RPP38: variants seen among roughly 807,000 people sequenced by gnomAD.
RPP38 encodes the protein ribonuclease P protein subunit p38.
A neutral mutation model predicts 1.7 loss-of-function variants in RPP38; 2 were observed. The observed-to-expected ratio is 1.18, with a 90% CI of 0.48 to 3.70. The LOEUF (loss-of-function observed/expected upper bound fraction) is 3.70. RPP38 is among the 30% of genes most tolerant of loss of function. RPP38 has a pLI of 0.07. For missense variants in RPP38, 358 were observed against 340.1 expected (o/e 1.05, Z -0.41); for synonymous variants, 151 against 131.8 (o/e 1.15, Z -1.00).
At position 15,103,530 on chromosome 10, in the gene RPP38, G is replaced by GA. The variant is rs1265940357; in HGVS notation, c.222dup (p.Glu75ArgfsTer11). Reference sequence around the variant, plus strand: ...AGAAAAAGAACAAAACACCTTTTCTGAAAAAAGAAAGCAGAGAGAAATGCA... The same window carrying GA: ...AGAAAAAGAACAAAACACCTTTTCTGAAAAAAAGAAAGCAGAGAGAAATGCA... On this transcript the variant is annotated frameshift_variant, in exon 3 of 3. Transcript: ENST00000378197. LOFTEE classifies it low-confidence loss of function (END_TRUNC). 5 of 1,614,012 alleles carry GA rather than the reference G, an allele frequency of 3.1e-6. No homozygotes were observed. The South Asian group carries it at 5.5e-5, about 18-fold the overall frequency.
intron 1 of RPP38, among the ~76,000 whole-genome samples, chr10:15,098,615 C>T (rs1213516699): frequency 6.6e-6 from 1 of 151,024 alleles, no homozygotes; most frequent in East Asian, 2.0e-4. Flanking sequence ...CGGCCCGGCG[C>T]GGTGGCTCAC....
intron 1 of RPP38, among the ~76,000 whole-genome samples, chr10:15,100,689 T>TC (rs2131422907): frequency 1.3e-5 from 2 of 151,996 alleles, no homozygotes; most frequent in South Asian, 4.2e-4. Context: ...GGGCAACTTT[T>TC]TTTTTTTTTT....
Position 15,104,121 on chromosome 10 carries a change from TA to T in RPP38, c.809del (p.Lys270ArgfsTer2). The T allele has an allele frequency of 6.3e-7, 1 of 1,583,262 alleles. No homozygotes were observed. Among genetic ancestry groups the T allele is most frequent in the Non-Finnish European group, 8.5e-7 (1 of 1,171,508 alleles). On this transcript the variant is annotated frameshift_variant, in exon 3 of 3. Transcript: ENST00000378197. LOFTEE classifies it high-confidence loss of function. ...KIKKLIPNPN[K>X]IRKPPKSKKA... is the part of the protein sequence containing the mutation. ...TAAAGAAACTGATTCCAAACCCTAA[TA>T]AGATAAGGAAACCACCCAAAAGTAA...
intron 1 of RPP38, among the ~76,000 whole-genome samples, 153 bp downstream of exon 1, chr10:15,097,919 CCTT>C (rs1844989760): frequency 6.6e-6 from 1 of 152,130 alleles, no homozygotes; most frequent in African/African-American, 2.4e-5. Flanking sequence ...GGAGATTCTA[CCTT>C]CTTTTCCGAC....
Position 15,104,114 on chromosome 10 carries a change from AC to A in RPP38, c.803del (p.Pro268LeufsTer4). ...QPLKIKKLIP[N>X]PNKIRKPPKS... ...CTTAAAATAAAGAAACTGATTCCAA[AC>A]CCTAATAAGATAAGGAAACCACCCA... is the stretch of plus-strand genomic sequence containing the variant. On this transcript the variant is annotated frameshift_variant, in exon 3 of 3. Transcript: ENST00000378197. LOFTEE classifies it high-confidence loss of function. The A allele has an allele frequency of 6.3e-7, 1 of 1,589,302 alleles. No individual in the cohort carries two copies. Among genetic ancestry groups the A allele is most frequent in the South Asian group, 1.2e-5 (1 of 85,402 alleles).
At chr10:15,101,789 C>T (rs761852836) in intron 1 of RPP38, among the ~76,000 whole-genome samples, 2 of 152,130 alleles carry the variant, frequency 1.3e-5, no homozygotes, top group Non-Finnish European at 2.9e-5. Context: ...ACTCCGGAGG[C>T]TGTGGCAGGA....
rs938948809 is a variant in RPP38 at position 15,103,541 on chromosome 10, G to T, written c.227G>T (p.Ser76Ile). ...KNKTPFLKKESREKCSIAVDI... is the reference protein window; with the variant it reads ...KNKTPFLKKEIREKCSIAVDI... ...AAAACACCTTTTCTGAAAAAAGAAA[G>T]CAGAGAGAAATGCAGCATTGCTGTT... The change falls in exon 3 of 3, where the codon AGC becomes ATC. Residue 76 changes from serine to isoleucine, a missense_variant. By Grantham distance (142) the Ser-to-Ile change is moderately radical. Transcript: ENST00000378197. 14 of 1,613,940 alleles carry T rather than the reference G, an allele frequency of 8.7e-6. No homozygotes were observed. The highest frequency in any genetic ancestry group is 1.1e-5 in the Non-Finnish European group (13 of 1,179,980).
rs1845188853 is a variant in RPP38, at chr10:15,103,537, G to C, written c.223G>C (p.Glu75Gln). The change falls in exon 3 of 3, where the codon GAA (glutamate) becomes CAA (glutamine). Residue 75 changes from glutamate (E) to glutamine (Q), a missense_variant. Physicochemically the swap from Glu to Gln is conservative, Grantham distance 29. Coordinates refer to ENST00000378197, the MANE Select transcript of RPP38 (RefSeq NM_183005.5). ...GAACAAAACACCTTTTCTGAAAAAA[G>C]AAAGCAGAGAGAAATGCAGCATTGC... ...KKNKTPFLKK[E>Q]SREKCSIAVD... 3 of 1,613,954 alleles carry C rather than the reference G, an allele frequency of 1.9e-6. No homozygotes were observed. In the African/African-American group the frequency reaches 4.0e-5, roughly 22 times the overall value.
chr10:15,103,643 G>C lies in RPP38; in HGVS notation c.329G>C (p.Arg110Thr). 1 of 1,614,106 alleles carries C rather than the reference G, an allele frequency of 6.2e-7. No homozygotes were observed. The highest frequency in any genetic ancestry group is 8.5e-7 in the Non-Finnish European group (1 of 1,180,030). The part of the protein sequence containing the change: ...QVSGWTPAHV[R>T]KQLAIGVNEV... ...TCAGGGTGGACGCCTGCACACGTCAGGAAGCAGCTTGCCATTGGCGTTAAC... is the reference window on the plus strand; with the variant it reads ...TCAGGGTGGACGCCTGCACACGTCACGAAGCAGCTTGCCATTGGCGTTAAC... Residue 110 changes from arginine to threonine, a missense_variant, in exon 3 of 3, where the codon AGG (arginine) becomes ACG (threonine). Coordinates refer to ENST00000378197, the MANE Select transcript of RPP38 (RefSeq NM_183005.5).
In RPP38 at chr10:15,103,297, C is replaced by A. The variant is rs747897755; in HGVS notation, c.-10-8C>A. 6.4e-6 allele frequency: 10 copies of A among 1,553,882 alleles called. No individual in the cohort carries two copies. Among genetic ancestry groups the A allele is most frequent in the Non-Finnish European group, 8.7e-6 (10 of 1,154,174 alleles). On this transcript the variant is annotated splice_polypyrimidine_tract_variant and splice_region_variant and intron_variant, in intron 2 of 2. Coordinates refer to ENST00000378197, the MANE Select transcript of RPP38 (RefSeq NM_183005.5). ...AATTTTTTCTGTTGTCATTTTGCTT[C>A]TTGGAAGGATTTTCAAAATGGCTGC...
chr10:15,100,241 A>G (rs970742827), intron 1 of RPP38, among the ~76,000 whole-genome samples: 4 of 152,174 alleles, frequency 2.6e-5, no homozygotes, highest in African/African-American at 9.7e-5. Flanking sequence ...ATGTGGAGAC[A>G]TCATCTGACT....
In RPP38 at chr10:15,097,455, GA is replaced by G; in HGVS notation, c.-440del. Reference sequence around the variant, plus strand: ...TAGGGCAGGAGGCCAGCCCCGGGGGGATCGGGCCCGGGACTCTGCGGAATCT... The same window carrying G: ...TAGGGCAGGAGGCCAGCCCCGGGGGGTCGGGCCCGGGACTCTGCGGAATCT... On this transcript the variant is annotated 5_prime_UTR_variant, in exon 1 of 3. Transcript: ENST00000378197. The G allele has an allele frequency of 6.6e-6, 1 of 152,444 alleles. No individual in the cohort carries two copies. The highest frequency in any genetic ancestry group is 1.9e-4 in the East Asian group (1 of 5,174). 9.4% of individuals were successfully genotyped at this position (152,444 alleles called of 1,614,324 possible).
chr10:15,101,281 C>T (rs2131424715), intron 1 of RPP38, among the ~76,000 whole-genome samples: 1 of 152,298 alleles, frequency 6.6e-6, no homozygotes, highest in Admixed American at 6.5e-5. Flanking sequence ...TTGCCTTCAA[C>T]ATCAGCTGCC....
chr10:15,099,241 T>C (rs1845046357), intron 1 of RPP38, among the ~76,000 whole-genome samples: 1 of 152,108 alleles, frequency 6.6e-6, no homozygotes, highest in Non-Finnish European at 1.5e-5. Flanking sequence ...AAATAGTATG[T>C]TGTTCGGTGT....
Position 15,103,604 on chromosome 10 carries a change from C to G in RPP38, c.290C>G (p.Ala97Gly). The stretch of plus-strand genomic sequence containing the variant: ...AATCTGAAGGAGAAGAAAACAGATG[C>G]TAAGCAGCAAGTGTCAGGGTGGACG... ...SENLKEKKTDAKQQVSGWTPA... is the reference protein window; with the variant it reads ...SENLKEKKTDGKQQVSGWTPA... Residue 97 changes from alanine (A) to glycine (G), a missense_variant, in exon 3 of 3, where the codon GCT (alanine) becomes GGT (glycine). By Grantham distance (60) the Ala-to-Gly change is moderately conservative (BLOSUM62 0). Transcript: ENST00000378197. 16 of 1,614,094 alleles carry G rather than the reference C, an allele frequency of 9.9e-6. No individual in the cohort carries two copies. Among genetic ancestry groups the G allele is most frequent in the Non-Finnish European group, 1.4e-5 (16 of 1,180,042 alleles).
chr10:15,099,315 T>C (rs765009618), intron 1 of RPP38, among the ~76,000 whole-genome samples: 7 of 151,562 alleles, frequency 4.6e-5, no homozygotes, highest in Non-Finnish European at 7.4e-5. Flanking sequence ...TGAGCTGGAG[T>C]GTGGAGGGCC....
chr10:15,098,761 C>T (rs960026473), intron 1 of RPP38, among the ~76,000 whole-genome samples: 3 of 151,560 alleles, frequency 2.0e-5, no homozygotes, highest in Non-Finnish European at 2.9e-5. Flanking sequence ...TGGCCCGTGC[C>T]TGTAGTCCCA....
At chr10:15,099,021 A>G (rs1268748045) in intron 1 of RPP38, among the ~76,000 whole-genome samples, 2 of 151,480 alleles carry the variant, frequency 1.3e-5, no homozygotes, top group Non-Finnish European at 2.9e-5. Flanking sequence ...TTATTGTATA[A>G]TTACTTGCTA....
chr10:15,102,649 T>G (rs1214250721), intron 2 of RPP38: 3 of 152,174 alleles, frequency 2.0e-5, no homozygotes, highest in Non-Finnish European at 4.4e-5. Flanking sequence ...AATTGTACTA[T>G]GATTGCAATA....
Sources: allele counts gnomAD v4.1 joint callset (sites outside exome capture counted in the v4.1 genomes callset), GRCh38; gene constraint gnomAD v4.1.1; transcripts MANE v1.5; gene names NCBI Gene and HGNC (gene_info 2026-07-23, HGNC 2026-07-21).